SUGP2: variants seen among roughly 807,000 people sequenced by gnomAD.
The protein encoded by SUGP2 is SURP and G-patch domain-containing protein 2.
In SUGP2, 24 loss-of-function variants were observed where a neutral mutation model predicts 90.5. The ratio of observed to expected loss-of-function variants is 0.27; its 90% CI spans 0.19 to 0.37. The LOEUF is 0.37. SUGP2 is among the 10% of genes least tolerant of loss of function. The pLI, the probability that SUGP2 is intolerant of heterozygous loss-of-function variation, is 1.00. For synonymous variants in SUGP2, 473 were observed against 513.4 expected, an observed-to-expected ratio of 0.92 and a Z score of 1.06; for missense variants, 1,233 against 1,363.3, an observed-to-expected ratio of 0.90 and a Z score of 1.51.
rs2057345748 is a variant in SUGP2, at chr19:18,991,185, G to A, written c.*2556C>T. 6.6e-6 allele frequency: 1 copy of A among 152,158 alleles called. No individual in the cohort carries two copies. Among genetic ancestry groups the A allele is most frequent in the Non-Finnish European group, 1.5e-5 (1 of 68,028 alleles). 9.4% of individuals were successfully genotyped at this position (152,158 alleles called of 1,614,324 possible). ...AGAAAAGACACTGTGACTTTGACAC[G>A]GCTGTGCCACCACACATCACGCGCG... On this transcript the variant is annotated 3_prime_UTR_variant, in exon 11 of 11. Coordinates refer to ENST00000452918, the MANE Select transcript of SUGP2 (RefSeq NM_001017392.5).
At chr19:18,994,567 T>A in intron 9 of SUGP2, 81 bp from the exon 10 acceptor site, 1 of 1,542,344 alleles carries the variant, frequency 6.5e-7, no homozygotes, top group South Asian at 1.2e-5. Context: ...GCACAAACAG[T>A]CCATGAGATG....
chr19:19,014,027 CTT>C (rs1013096346), intron 4 of SUGP2, among the ~76,000 whole-genome samples: 14 of 152,142 alleles, frequency 9.2e-5, no homozygotes, highest in African/African-American at 3.4e-4. Flanking sequence ...GTGTTTTGCT[CTT>C]GTCGCCCAGG....
intron 1 of SUGP2, among the ~76,000 whole-genome samples, 192 bp from the exon 2 acceptor site, chr19:19,031,274 C>T (rs2059139449): frequency 6.6e-6 from 1 of 152,074 alleles, no homozygotes; most frequent in South Asian, 2.1e-4. Flanking sequence ...TGGCTCACAC[C>T]TGTAATCCCA....
At position 19,001,648 on chromosome 19, in the gene SUGP2, C is replaced by G; in HGVS notation, c.2956G>C (p.Asp986His). The G allele has an allele frequency of 6.2e-7, 1 of 1,614,218 alleles. No individual in the cohort carries two copies. The highest frequency in any genetic ancestry group is 1.1e-5 in the South Asian group (1 of 91,082). Reference sequence around the variant, plus strand: ...GACATGGGACGACCCCGAGGCCTGTCATAGGCAATTCGAACTGGTTCATGG... The same window carrying G: ...GACATGGGACGACCCCGAGGCCTGTGATAGGCAATTCGAACTGGTTCATGG... ...KVHEPVRIAY[D>H]RPRGRPMSKK... The change falls in exon 8 of 11, where the codon GAC becomes CAC. Residue 986 changes from aspartate (D) to histidine (H), a missense_variant. This residue lies in a region of SUGP2 where 105 missense variants were observed against 155.2 expected (regional missense o/e 0.68). Transcript: ENST00000452918.
At chr19:19,033,379 A>T in intron 1 of SUGP2, 58 bp downstream of exon 1, 1 of 1,221,192 alleles carries the variant, frequency 8.2e-7, no homozygotes, top group Non-Finnish European at 1.0e-6. Context: ...CCCAAGGCCG[A>T]GCCCGAGCTT....
chr19:19,025,032 C>A lies in SUGP2; in HGVS notation c.1316G>T (p.Ser439Ile). 1 of 1,614,202 alleles carries A rather than the reference C, an allele frequency of 6.2e-7. No individual in the cohort carries two copies. The highest frequency in any genetic ancestry group is 8.5e-7 in the Non-Finnish European group (1 of 1,180,042). Reference protein sequence around the residue: ...IMRLQDRLLKSVTPLLMACNA... With the variant: ...IMRLQDRLLKIVTPLLMACNA... The stretch of plus-strand genomic sequence containing the variant: ...GCAGGCCATAAGCAAAGGTGTGACA[C>A]TCTTCAGAAGCCGGTCTTGAAGTCT... Residue 439 changes from serine to isoleucine, a missense_variant, in exon 3 of 11, where the codon AGT becomes ATT. Physicochemically the swap from Ser to Ile is moderately radical, Grantham distance 142. This residue lies in a region of SUGP2 where 59 missense variants were observed against 92.6 expected (regional missense o/e 0.64). Coordinates refer to ENST00000452918, the MANE Select transcript of SUGP2 (RefSeq NM_001017392.5).
At chr19:19,008,552 T>TG in intron 5 of SUGP2, 124 bp from the exon 6 acceptor site, 1 of 775,832 alleles carries the variant, frequency 1.3e-6, no homozygotes, top group African/African-American at 1.7e-5. Flanking sequence ...AGCCTTGCCC[T>TG]TCGTCACATG....
At chr19:19,005,875 ACACACACACACACACAC>A (rs60585676) in intron 6 of SUGP2, among the ~76,000 whole-genome samples, 4,220 of 33,014 alleles carry the variant, frequency 0.13, 177 homozygotes, top group African/African-American at 0.25. Flanking sequence ...ACACACACAC[ACACACACACACACACAC>A]CACACACACA....
intron 2 of SUGP2, among the ~76,000 whole-genome samples, chr19:19,027,636 CTTTTTTT>C (rs923884609): frequency 2.8e-5 from 4 of 144,794 alleles, no homozygotes; most frequent in Non-Finnish European, 6.1e-5. Flanking sequence ...TTTTTTTTTT[CTTTTTTT>C]TTTTGAGACA....
intron 1 of SUGP2, among the ~76,000 whole-genome samples, chr19:19,031,616 T>C (rs2059154079): frequency 6.6e-6 from 1 of 151,840 alleles, no homozygotes; most frequent in African/African-American, 2.4e-5. Context: ...GGCATGGGAA[T>C]TGCTTGAACC....
chr19:19,002,758 C>A (rs2057894451), intron 7 of SUGP2, among the ~76,000 whole-genome samples: 1 of 151,030 alleles, frequency 6.6e-6, no homozygotes, highest in African/African-American at 2.4e-5. Context: ...GGCGATCCTC[C>A]CGCCTTGGCC....
chr19:19,012,875 T>G (rs1415653929), intron 4 of SUGP2, among the ~76,000 whole-genome samples: 1 of 152,206 alleles, frequency 6.6e-6, no homozygotes, highest in Non-Finnish European at 1.5e-5. Context: ...ATGATTTTTT[T>G]TTTTTTGAGA....
chr19:19,032,491 G>C (rs1481459499), intron 1 of SUGP2, among the ~76,000 whole-genome samples: 1 of 152,078 alleles, frequency 6.6e-6, no homozygotes, highest in Non-Finnish European at 1.5e-5. Context: ...CACAGACTCA[G>C]CAGGGCACAG....
chr19:18,994,516 C>T lies in SUGP2; in HGVS notation c.3129-30G>A, dbSNP rs774366049. 43 of 1,611,024 alleles carry T rather than the reference C, an allele frequency of 2.7e-5. No individual in the cohort carries two copies. In the East Asian group the frequency reaches 2.9e-4, roughly 11 times the overall value. Reference sequence around the variant, plus strand: ...GGAGTGAAAAAGAGAGTCAGTTGTGCACCTGAGCCCAGGGCCTGGCATGCC... The same window carrying T: ...GGAGTGAAAAAGAGAGTCAGTTGTGTACCTGAGCCCAGGGCCTGGCATGCC... On this transcript the variant is annotated intron_variant, in intron 9 of 10. Coordinates refer to ENST00000452918, the MANE Select transcript of SUGP2 (RefSeq NM_001017392.5).
upstream of SUGP2, chr19:19,033,704 C>G (rs1341893609): frequency 1.1e-5 from 3 of 273,920 alleles, no homozygotes; most frequent in Non-Finnish European, 2.0e-5. Flanking sequence ...CCGTGAGCGT[C>G]CCGGAAGGGG....
intron 6 of SUGP2, among the ~76,000 whole-genome samples, chr19:19,005,077 C>T (rs1481506215): frequency 6.6e-6 from 1 of 152,204 alleles, no homozygotes; most frequent in African/African-American, 2.4e-5. Context: ...ACTGCTGGAA[C>T]ATGTGCACCA....
intron 4 of SUGP2, 55 bp from the exon 5 acceptor site, chr19:19,010,397 A>T: frequency 6.3e-7 from 1 of 1,575,942 alleles, no homozygotes; most frequent in Non-Finnish European, 8.6e-7. Context: ...CCAGGTCCCA[A>T]ATTGTTCCTT....
At chr19:18,995,749 C>CA (rs1443070775) in intron 8 of SUGP2, among the ~76,000 whole-genome samples, 32 of 152,328 alleles carry the variant, frequency 2.1e-4, no homozygotes, top group African/African-American at 7.7e-4. Flanking sequence ...ACCACCCCAA[C>CA]ATACCCCTCC....
intron 4 of SUGP2, among the ~76,000 whole-genome samples, chr19:19,016,819 G>GT (rs2058518435): frequency 6.6e-6 from 1 of 152,180 alleles, no homozygotes; most frequent in African/African-American, 2.4e-5. Context: ...GAAGGCACAA[G>GT]TGTTTATTAA....
Sources: gnomAD v4.1 joint callset for allele counts (sites outside exome capture counted in the v4.1 genomes callset) on GRCh38, gnomAD v4.1.1 for gene constraint, gnomAD v4.1.1 regional missense constraint, MANE v1.5 for transcripts, NCBI Gene and HGNC (gene_info 2026-07-23, HGNC 2026-07-21) for gene names.